Variants in TRAPPC9 observed in about 807,000 individuals in gnomAD.
The protein encoded by TRAPPC9 is IKK2 binding protein.
TRAPPC9 carries 83 observed loss-of-function variants against 124.0 expected under a neutral mutation model. The observed-to-expected ratio is 0.67, with a 90% CI of 0.56 to 0.80. The LOEUF (loss-of-function observed/expected upper bound fraction) is 0.80. Ranked by LOEUF, TRAPPC9 falls within the 30% of genes least tolerant of loss-of-function variation. The pLI is 0.00. For synonymous variants in TRAPPC9, 638 were observed against 617.5 expected (o/e 1.03, Z -0.49); for missense variants, 1,302 against 1,508.3 (o/e 0.86, Z 2.27).
At chr8:140,155,016 TG>T (rs768204575) in intron 17 of TRAPPC9, among the ~76,000 whole-genome samples, 29 of 152,332 alleles carry the variant, frequency 1.9e-4, no homozygotes, top group Non-Finnish European at 3.1e-4. Flanking sequence ...CCTACTGGAC[TG>T]TGAGTTTCAC....
At chr8:140,064,762 G>T (rs1042941607) in intron 17 of TRAPPC9, among the ~76,000 whole-genome samples, 1 of 152,148 alleles carries the variant, frequency 6.6e-6, no homozygotes, top group East Asian at 1.9e-4. Context: ...TCTCTAGGAG[G>T]TATTTCTCTG....
intron 14 of TRAPPC9, among the ~76,000 whole-genome samples, chr8:140,278,156 A>T (rs7013149): frequency 0.25 from 37,888 of 151,900 alleles, 5,732 homozygotes; most frequent in East Asian, 0.73. Flanking sequence ...CAGGCTGGAG[A>T]GCAGTGGCAC....
chr8:140,184,056 G>T (rs567445487), intron 17 of TRAPPC9, among the ~76,000 whole-genome samples: 2 of 151,650 alleles, frequency 1.3e-5, no homozygotes, highest in East Asian at 1.9e-4. Flanking sequence ...CTGTGACCGG[G>T]CCTGGAGAAC....
intron 17 of TRAPPC9, among the ~76,000 whole-genome samples, chr8:140,188,314 A>G (rs1351066224): frequency 1.3e-5 from 2 of 152,238 alleles, no homozygotes; most frequent in South Asian, 2.1e-4. Flanking sequence ...ACAGAATTGA[A>G]TAAATATATG....
At chr8:139,947,211 C>T (rs987210400) in intron 19 of TRAPPC9, among the ~76,000 whole-genome samples, 8 of 152,126 alleles carry the variant, frequency 5.3e-5, no homozygotes, top group South Asian at 4.1e-4. Flanking sequence ...GAACTACACG[C>T]GCATTTCTTC....
intron 9 of TRAPPC9, among the ~76,000 whole-genome samples, chr8:140,329,128 G>A (rs982303923): frequency 6.6e-6 from 1 of 152,108 alleles, no homozygotes; most frequent in Non-Finnish European, 1.5e-5. Flanking sequence ...ATGTGAAGGT[G>A]ACAAAGAAAA....
chr8:139,968,034 A>T (rs1835819630), intron 19 of TRAPPC9, among the ~76,000 whole-genome samples: 1 of 151,876 alleles, frequency 6.6e-6, no homozygotes, highest in Admixed American at 6.5e-5. Context: ...CCAGCTACTC[A>T]GGAGGCTGAG....
chr8:139,835,648 C>T (rs1218279554), intron 21 of TRAPPC9, among the ~76,000 whole-genome samples: 1 of 152,204 alleles, frequency 6.6e-6, no homozygotes, highest in African/African-American at 2.4e-5. Flanking sequence ...ACAAGAGACA[C>T]TGCTGCCAAA....
chr8:140,393,322 A>T (rs767659371), intron 7 of TRAPPC9, among the ~76,000 whole-genome samples: 17 of 152,202 alleles, frequency 1.1e-4, no homozygotes, highest in Middle Eastern at 3.4e-3. Context: ...GGCAACTTCA[A>T]CCTAAATCTG....
intron 7 of TRAPPC9, among the ~76,000 whole-genome samples, chr8:140,381,375 T>G (rs758749714): frequency 4.0e-5 from 6 of 151,838 alleles, no homozygotes; most frequent in Non-Finnish European, 8.8e-5. Context: ...AATTTAAAAC[T>G]TGACAAAGAG....
chr8:140,340,026 A>C (rs1462753111), intron 9 of TRAPPC9, among the ~76,000 whole-genome samples: 1 of 152,122 alleles, frequency 6.6e-6, no homozygotes, highest in Non-Finnish European at 1.5e-5. Flanking sequence ...TTTGTATTTC[A>C]TAGAGATAGG....
At chr8:140,364,598 T>G (rs1180508634) in intron 8 of TRAPPC9, among the ~76,000 whole-genome samples, 1 of 152,136 alleles carries the variant, frequency 6.6e-6, no homozygotes, top group Non-Finnish European at 1.5e-5. Flanking sequence ...CATTTTTTTT[T>G]TCGAGACGGA....
intron 17 of TRAPPC9, among the ~76,000 whole-genome samples, chr8:140,193,348 T>C (rs1390390657): frequency 6.6e-6 from 1 of 152,200 alleles, no homozygotes; most frequent in Non-Finnish European, 1.5e-5. Context: ...TTTAAAATCA[T>C]GAACACGAAT....
At chr8:139,780,544 A>C (rs7009797) in intron 21 of TRAPPC9, among the ~76,000 whole-genome samples, 113,012 of 152,022 alleles carry the variant, frequency 0.74, 42,279 homozygotes, top group African/African-American at 0.8. Context: ...GGATTGCAGA[A>C]CTAAATGCAA....
At chr8:139,862,122 C>T (rs1828205507) in intron 21 of TRAPPC9, among the ~76,000 whole-genome samples, 2 of 152,356 alleles carry the variant, frequency 1.3e-5, no homozygotes, top group South Asian at 4.1e-4. Context: ...TTTACAGATT[C>T]AGAAACAGGT....
chr8:139,946,445 T>C (rs1211720530), intron 19 of TRAPPC9, among the ~76,000 whole-genome samples: 1 of 152,186 alleles, frequency 6.6e-6, no homozygotes, highest in Non-Finnish European at 1.5e-5. Flanking sequence ...ACTGACCCTC[T>C]CTCCCTTGTC....
At chr8:140,351,988 C>A (rs939910096) in intron 9 of TRAPPC9, among the ~76,000 whole-genome samples, 2 of 152,218 alleles carry the variant, frequency 1.3e-5, no homozygotes, top group Non-Finnish European at 2.9e-5. Context: ...AATACCTTCA[C>A]CGCCTCAACC....
intron 21 of TRAPPC9, among the ~76,000 whole-genome samples, chr8:139,816,141 G>A (rs779761662): frequency 2.0e-5 from 3 of 152,230 alleles, no homozygotes; most frequent in African/African-American, 7.2e-5. Context: ...GGCAGCCTTG[G>A]TGACTGGGGA....
chr8:139,983,859 C>T (rs747878296), intron 19 of TRAPPC9, among the ~76,000 whole-genome samples: 3 of 152,112 alleles, frequency 2.0e-5, no homozygotes, highest in Non-Finnish European at 2.9e-5. Flanking sequence ...GTCAGACAGA[C>T]GGGGTTCCAC....
Sources: gnomAD v4.1 joint callset for allele counts (sites outside exome capture counted in the v4.1 genomes callset) on GRCh38, gnomAD v4.1.1 for gene constraint, MANE v1.5 for transcripts, NCBI Gene and HGNC (gene_info 2026-07-23, HGNC 2026-07-21) for gene names.